Variants in DLGAP1 observed in about 807,000 individuals in gnomAD.
The protein encoded by DLGAP1 is DLG associated protein 1.
In DLGAP1, 11 loss-of-function variants were observed where a neutral mutation model predicts 90.8. That is an observed-to-expected ratio of 0.12 (90% CI 0.08 to 0.20). The LOEUF (loss-of-function observed/expected upper bound fraction) is 0.20. Ranked by LOEUF, DLGAP1 falls within the 10% of genes least tolerant of loss-of-function variation. The pLI, the probability that DLGAP1 is intolerant of heterozygous loss-of-function variation, is 1.00. For synonymous variants in DLGAP1, 558 were observed against 540.7 expected (o/e 1.03, Z -0.44); for missense variants, 1,050 against 1,333.8 (o/e 0.79, Z 3.31).
chr18:4,103,333 T>TA (rs767144363), intron 2 of DLGAP1, among the ~76,000 whole-genome samples: 13 of 152,306 alleles, frequency 8.5e-5, no homozygotes, highest in Non-Finnish European at 1.5e-4. Context: ...CTATGTATAA[T>TA]ATATCACAAA....
At chr18:3,990,598 C>G (rs376038030) in intron 3 of DLGAP1, among the ~76,000 whole-genome samples, 1 of 148,858 alleles carries the variant, frequency 6.7e-6, no homozygotes, top group Non-Finnish European at 1.5e-5. Flanking sequence ...CAAACCTGCA[C>G]GTTGTGCACA....
At chr18:3,540,274 C>G (rs1021871549) in intron 9 of DLGAP1, among the ~76,000 whole-genome samples, 4 of 151,764 alleles carry the variant, frequency 2.6e-5, no homozygotes, top group African/African-American at 7.3e-5. Flanking sequence ...CGAGACCAGC[C>G]TGGGCAACAT....
intron 8 of DLGAP1, among the ~76,000 whole-genome samples, chr18:3,568,907 C>T (rs939286560): frequency 1.3e-5 from 2 of 151,766 alleles, no homozygotes; most frequent in Admixed American, 6.6e-5. Context: ...AGGATGGTCT[C>T]GATCTCCTGA....
rs764753107 is a variant in DLGAP1, at chr18:3,534,511, G to A, written c.2162C>T (p.Ser721Leu). The change falls in exon 10 of 13, where the codon TCG becomes TTG. Residue 721 changes from serine to leucine, a missense_variant. By Grantham distance (145) the Ser-to-Leu change is moderately radical. Around this residue, in one of 2 missense-constraint regions of DLGAP1, gnomAD observed 565 missense variants for 879.7 expected, o/e 0.64. Coordinates refer to ENST00000315677, the MANE Select transcript of DLGAP1 (RefSeq NM_004746.4). ...CTGTCTGGCCATGGGGCCAGGACAC[G>A]AATTGTCCTCTATAGATTCCAGAGA... is the stretch of plus-strand genomic sequence containing the variant. Reference protein sequence around the residue: ...ENSLESIEDNSCPGPMARQFS... With the variant: ...ENSLESIEDNLCPGPMARQFS... 1.1e-5 allele frequency: 17 copies of A among 1,614,204 alleles called. No homozygotes were observed. The highest frequency in any genetic ancestry group is 1.3e-5 in the Non-Finnish European group (15 of 1,180,040).
chr18:3,597,719 A>G (rs1163467058), intron 7 of DLGAP1: 1 of 159,592 alleles, frequency 6.3e-6, no homozygotes. Flanking sequence ...GGCCGGCTCA[A>G]ACCTCCAAAC....
At chr18:4,401,065 T>C (rs1364805459) in intron 1 of DLGAP1, among the ~76,000 whole-genome samples, 11 of 152,030 alleles carry the variant, frequency 7.2e-5, no homozygotes, top group African/African-American at 2.7e-4. Context: ...GAGTATCAGG[T>C]TGGGTAAGTC....
intron 6 of DLGAP1, among the ~76,000 whole-genome samples, chr18:3,732,239 C>A (rs2062461213): frequency 6.6e-6 from 1 of 152,168 alleles, no homozygotes; most frequent in African/African-American, 2.4e-5. Flanking sequence ...TGATCAGCTT[C>A]AGGTTCAATC....
intron 7 of DLGAP1, among the ~76,000 whole-genome samples, chr18:3,617,552 T>C (rs1256431774): frequency 1.3e-5 from 2 of 149,142 alleles, no homozygotes; most frequent in African/African-American, 2.5e-5. Flanking sequence ...GATCCCACCA[T>C]TGCACTTCAG....
Position 3,772,458 on chromosome 18 carries a change from C to CTTTCTT in DLGAP1, c.1173-29947_1173-29946insAAGAAA, listed in dbSNP as rs1568110129. On this transcript the variant is annotated intron_variant, in intron 5 of 12. Coordinates refer to ENST00000315677, the MANE Select transcript of DLGAP1 (RefSeq NM_004746.4). Reference sequence around the variant, plus strand: ...CCCTCCCTCCCTCCCCCCCACCCCCCTCTTTCTTTCTTTCTTTCTTTCTTC... The same window carrying CTTTCTT: ...CCCTCCCTCCCTCCCCCCCACCCCCCTTTCTTTCTTTCTTTCTTTCTTTCTTTCTTC... Among the ~76,000 whole-genome samples, 97 of 83,806 alleles carry CTTTCTT rather than the reference C, an allele frequency of 1.2e-3. 3 individuals carry two copies. The highest frequency in any genetic ancestry group is 4.0e-3 in the African/African-American group (91 of 22,550). 55.0% of individuals were successfully genotyped at this position (83,806 alleles called of 152,430 possible).
In DLGAP1 at chr18:3,534,183, G is replaced by T. The variant is rs1184309195; in HGVS notation, c.2479+11C>A. Reference sequence around the variant, plus strand: ...CAGGGGACGGGTGTGGCACGTGGTGGCATTACTTACTGTCTTCGGGCAGGT... The same window carrying T: ...CAGGGGACGGGTGTGGCACGTGGTGTCATTACTTACTGTCTTCGGGCAGGT... On this transcript the variant is annotated intron_variant, in intron 10 of 12. Coordinates refer to ENST00000315677, the MANE Select transcript of DLGAP1 (RefSeq NM_004746.4). 6 of 1,607,680 alleles carry T rather than the reference G, an allele frequency of 3.7e-6. No homozygotes were observed. The highest frequency in any genetic ancestry group is 3.3e-5 in the Admixed American group (2 of 59,734).
At chr18:4,389,215 G>A (rs948780652) in intron 1 of DLGAP1, among the ~76,000 whole-genome samples, 1 of 152,078 alleles carries the variant, frequency 6.6e-6, no homozygotes, top group African/African-American at 2.4e-5. Flanking sequence ...GCTACAACAC[G>A]GATGAACCTT....
chr18:3,596,657 A>G, intron 7 of DLGAP1: 1 of 344,030 alleles, frequency 2.9e-6, no homozygotes, highest in South Asian at 2.3e-5. Flanking sequence ...ATGTAACCAC[A>G]GCACACGCGT....
At chr18:4,439,044 C>T (rs1245421392) in intron 1 of DLGAP1, among the ~76,000 whole-genome samples, 1 of 152,196 alleles carries the variant, frequency 6.6e-6, no homozygotes, top group East Asian at 1.9e-4. Context: ...CTCCTTCCTG[C>T]CTTGATGTTC....
At chr18:4,433,599 C>G (rs1039724233) in intron 1 of DLGAP1, among the ~76,000 whole-genome samples, 3 of 152,100 alleles carry the variant, frequency 2.0e-5, no homozygotes, top group Admixed American at 1.3e-4. Flanking sequence ...CCTCATGGAC[C>G]TCACACTCTT....
chr18:3,883,364 G>A (rs1474630229), intron 3 of DLGAP1, among the ~76,000 whole-genome samples: 1 of 152,200 alleles, frequency 6.6e-6, no homozygotes, highest in Non-Finnish European at 1.5e-5. Context: ...CTGCATCTGG[G>A]AGCGCTCATG....
intron 1 of DLGAP1, among the ~76,000 whole-genome samples, chr18:4,429,885 T>C (rs1259896952): frequency 6.6e-6 from 1 of 152,000 alleles, no homozygotes; most frequent in Non-Finnish European, 1.5e-5. Flanking sequence ...GAAAATATGA[T>C]CAGTGTGCAT....
intron 1 of DLGAP1, among the ~76,000 whole-genome samples, chr18:4,171,118 T>C (rs2077017102): frequency 6.6e-6 from 1 of 152,202 alleles, no homozygotes; most frequent in South Asian, 2.1e-4. Flanking sequence ...CAATACAACG[T>C]CTGCATTTAT....
intron 7 of DLGAP1, among the ~76,000 whole-genome samples, chr18:3,659,452 G>T (rs56929658): frequency 1.7e-5 from 1 of 57,946 alleles, no homozygotes; most frequent in African/African-American, 6.2e-5. Flanking sequence ...ACCACCCCCC[G>T]CCGCCCCCAC....
intron 1 of DLGAP1, among the ~76,000 whole-genome samples, chr18:4,441,725 G>A (rs914547047): frequency 9.9e-5 from 15 of 152,200 alleles, no homozygotes; most frequent in African/African-American, 3.4e-4. Context: ...GGACAGCTAG[G>A]CTGTGAAGTG....
Sources: gnomAD v4.1 joint callset for allele counts (sites outside exome capture counted in the v4.1 genomes callset) on GRCh38, gnomAD v4.1.1 for gene constraint, gnomAD v4.1.1 regional missense constraint, MANE v1.5 for transcripts, NCBI Gene and HGNC (gene_info 2026-07-23, HGNC 2026-07-21) for gene names.